PPP2R2A: variants seen among roughly 807,000 people sequenced by gnomAD.
PPP2R2A encodes protein phosphatase 2 regulatory subunit Balpha.
In PPP2R2A, 9 loss-of-function variants were observed where a neutral mutation model predicts 53.2. That is an observed-to-expected ratio of 0.17 (90% CI 0.10 to 0.30). The LOEUF is 0.30. PPP2R2A is among the 10% of genes least tolerant of loss of function. PPP2R2A has a pLI of 1.00. For synonymous variants in PPP2R2A, 169 were observed against 174.2 expected (o/e 0.97, Z 0.23); for missense variants, 235 against 534.6 (o/e 0.44, Z 5.53).
intron 2 of PPP2R2A, among the ~76,000 whole-genome samples, chr8:26,335,783 C>T (rs1280056619): frequency 1.3e-5 from 2 of 152,152 alleles, no homozygotes; most frequent in Non-Finnish European, 2.9e-5. Flanking sequence ...CCAGTTGTTT[C>T]TAGGATTCCT....
At chr8:26,346,402 A>T (rs1804218726) in intron 3 of PPP2R2A, among the ~76,000 whole-genome samples, 1 of 152,130 alleles carries the variant, frequency 6.6e-6, no homozygotes, top group Non-Finnish European at 1.5e-5. Flanking sequence ...AGGCCTCCCA[A>T]AGTGCTGGGA....
intron 2 of PPP2R2A, among the ~76,000 whole-genome samples, chr8:26,329,892 A>G (rs1431165324): frequency 4.6e-5 from 7 of 152,160 alleles, no homozygotes; most frequent in African/African-American, 1.4e-4. Flanking sequence ...CAATGCTGCT[A>G]ATGGATTTTG....
At chr8:26,312,338 G>A (rs1308830489) in intron 2 of PPP2R2A, among the ~76,000 whole-genome samples, 1 of 152,166 alleles carries the variant, frequency 6.6e-6, no homozygotes, top group Non-Finnish European at 1.5e-5. Flanking sequence ...AGATGATGAT[G>A]GTGCATTTAG....
At position 26,293,686 on chromosome 8, in the gene PPP2R2A, A is replaced by G. The variant is rs368071678; in HGVS notation, c.28A>G (p.Ile10Val). The change falls in exon 2 of 10, where the codon ATT (isoleucine) becomes GTT (valine). Residue 10 changes from isoleucine (I) to valine (V), a missense_variant. This residue lies in a region of PPP2R2A where 51 missense variants were observed against 80.6 expected (regional missense o/e 0.63). Coordinates refer to ENST00000380737, the MANE Select transcript of PPP2R2A (RefSeq NM_002717.4). ...TCCAGGAGCTGGAGGAGGGAATGAT[A>G]TTCAGTGGTGTTTTTCTCAGGTGAA... is the stretch of plus-strand genomic sequence containing the variant. MAGAGGGND[I>V]QWCFSQVKGA... 6.6e-5 allele frequency: 106 copies of G among 1,613,312 alleles called. 1 individual carries two copies. The highest frequency in any genetic ancestry group is 8.7e-5 in the Non-Finnish European group (103 of 1,179,724).
At chr8:26,364,950 A>T (rs1332394518) in intron 8 of PPP2R2A, 3 of 152,186 alleles carry the variant, frequency 2.0e-5, no homozygotes, top group Admixed American at 1.3e-4. Context: ...CTTGGAACCC[A>T]TCCCTCGTGT....
At chr8:26,293,223 TC>T (rs1563277358) in intron 1 of PPP2R2A, 1 of 1,535,536 alleles carries the variant, frequency 6.5e-7, no homozygotes, top group South Asian at 1.2e-5. Flanking sequence ...TTCATATGAA[TC>T]ATTACTCCTT....
intron 3 of PPP2R2A, among the ~76,000 whole-genome samples, chr8:26,339,488 T>C (rs570583577): frequency 2.0e-5 from 3 of 152,176 alleles, no homozygotes; most frequent in Non-Finnish European, 4.4e-5. Context: ...TGTACATGCA[T>C]GTAAAGTAAC....
rs1802820826 is a variant in PPP2R2A at position 26,321,176 on chromosome 8, G to A, written c.83-17714G>A. 6.6e-6 allele frequency among the ~76,000 whole-genome samples: 1 copy of A among 152,220 alleles called. No homozygotes were observed. Among genetic ancestry groups the A allele is most frequent in the Admixed American group, 6.5e-5 (1 of 15,290 alleles). On this transcript the variant is annotated intron_variant, in intron 2 of 9. Transcript: ENST00000380737. The surrounding 1 kb of genome is among the most constrained non-coding windows in gnomAD (Gnocchi z 4.1). ...CTGTGGTTGTGAAGCGCTAGTAGGA[G>A]TAAGTGACAGGACCTACTTTGAATA...
In PPP2R2A at chr8:26,371,507, C is replaced by G. The variant is rs538658833; in HGVS notation, c.*1094C>G. ...AGTGCTTAATTTCATTTTTGCCTTA[C>G]TAAATAGTCAAAGACTTATAAAACA... On this transcript the variant is annotated 3_prime_UTR_variant, in exon 10 of 10. Transcript: ENST00000380737. 6.6e-6 allele frequency: 1 copy of G among 152,114 alleles called. No individual in the cohort carries two copies. The highest frequency in any genetic ancestry group is 6.5e-5 in the Admixed American group (1 of 15,286). 9.4% of individuals were successfully genotyped at this position (152,114 alleles called of 1,614,324 possible).
chr8:26,343,405 T>C lies in PPP2R2A; in HGVS notation c.180+4418T>C, dbSNP rs554806943. Reference sequence around the variant, plus strand: ...TTTTTTTTTTGAGATGGAGTCTCACTCTGTTGCCCAGGCTGGAGTGCAGTG... The same window carrying C: ...TTTTTTTTTTGAGATGGAGTCTCACCCTGTTGCCCAGGCTGGAGTGCAGTG... On this transcript the variant is annotated intron_variant, in intron 3 of 9. Transcript: ENST00000380737. Among the ~76,000 whole-genome samples the C allele has an allele frequency of 1.4e-3, 216 of 150,856 alleles. 2 individuals carry two copies. The highest frequency in any genetic ancestry group is 4.5e-3 in the African/African-American group (186 of 41,196).
chr8:26,357,663 T>G (rs1489728896), intron 4 of PPP2R2A, among the ~76,000 whole-genome samples: 1 of 152,138 alleles, frequency 6.6e-6, no homozygotes, highest in African/African-American at 2.4e-5. Context: ...TCTTAACAAC[T>G]TCTTGATAAG....
intron 2 of PPP2R2A, among the ~76,000 whole-genome samples, chr8:26,307,943 A>G (rs1039463534): frequency 6.6e-6 from 1 of 152,244 alleles, no homozygotes; most frequent in African/African-American, 2.4e-5. Flanking sequence ...AAATAAAATC[A>G]AATATAGGCA....
At chr8:26,353,340 A>G (rs1306241810) in intron 3 of PPP2R2A, among the ~76,000 whole-genome samples, 2 of 152,238 alleles carry the variant, frequency 1.3e-5, no homozygotes, top group African/African-American at 4.8e-5. Context: ...ACAACCATCC[A>G]TGAATGAACA....
chr8:26,292,400 C>T (rs199514268), intron 1 of PPP2R2A: 19 of 985,466 alleles, frequency 1.9e-5, no homozygotes, highest in Non-Finnish European at 2.3e-5. Context: ...ATTTCGTTTC[C>T]GTTTCTTCCC....
chr8:26,362,715 A>G lies in PPP2R2A; in HGVS notation c.669A>G (p.Glu223=). Residue 223 remains glutamate, a synonymous_variant, in exon 7 of 10, where the codon GAA becomes GAG. Transcript: ENST00000380737. The surrounding 1 kb of genome is among the most constrained non-coding windows in gnomAD (Gnocchi z 4.4). Reference sequence around the variant, plus strand: ...TGGATATCAAGCCTGCCAATATGGAAGAGCTAACAGAGGTGATTACAGCAG... The same window carrying G: ...TGGATATCAAGCCTGCCAATATGGAGGAGCTAACAGAGGTGATTACAGCAG... ...NIVDIKPANM[E]ELTEVITAAE... 1.9e-6 allele frequency: 3 copies of G among 1,614,126 alleles called. No homozygotes were observed. The highest frequency in any genetic ancestry group is 2.5e-6 in the Non-Finnish European group (3 of 1,179,990).
intron 8 of PPP2R2A, chr8:26,365,026 A>G (rs1805295909): frequency 6.6e-6 from 1 of 152,172 alleles, no homozygotes; most frequent in African/African-American, 2.4e-5. Flanking sequence ...TACCCTCACC[A>G]TCATTTCATT....
At chr8:26,329,686 G>A (rs983743452) in intron 2 of PPP2R2A, among the ~76,000 whole-genome samples, 10 of 152,150 alleles carry the variant, frequency 6.6e-5, no homozygotes, top group African/African-American at 1.9e-4. Context: ...CCAAATGTTC[G>A]TGATGCTGGA....
Position 26,360,218 on chromosome 8 carries a change from A to C in PPP2R2A, c.396A>C (p.Glu132Asp), listed in dbSNP as rs1805008282. 1.2e-6 allele frequency: 2 copies of C among 1,611,118 alleles called. No homozygotes were observed. The highest frequency in any genetic ancestry group is 1.7e-6 in the Non-Finnish European group (2 of 1,177,842). ...WKISERDKRP[E>D]GYNLKEEDGR... ...TCAGTGAAAGGGACAAAAGACCAGA[A>C]GGGTATAACTTGAAAGAGGAGGATG... is the stretch of plus-strand genomic sequence containing the variant. Residue 132 changes from glutamate (E) to aspartate (D), a missense_variant, in exon 5 of 10, where the codon GAA (glutamate) becomes GAC (aspartate). Transcript: ENST00000380737. This position sits in a 1 kb window ranked among gnomAD's most constrained non-coding sequence, Gnocchi z 4.5.
intron 4 of PPP2R2A, among the ~76,000 whole-genome samples, chr8:26,356,054 G>A (rs988682688): frequency 7.2e-5 from 11 of 152,136 alleles, no homozygotes; most frequent in South Asian, 2.1e-4. Flanking sequence ...CTGGGTAGCC[G>A]TAGTCTATAA....
Sources: allele counts gnomAD v4.1 joint callset (sites outside exome capture counted in the v4.1 genomes callset), GRCh38; gene constraint gnomAD v4.1.1; regional missense constraint gnomAD v4.1.1; non-coding constraint Gnocchi (gnomAD v3.1); transcripts MANE v1.5; gene names NCBI Gene and HGNC (gene_info 2026-07-23, HGNC 2026-07-21).